PARP8: variants seen among roughly 807,000 people sequenced by gnomAD.
The protein encoded by PARP8 is poly(ADP-ribose) polymerase family member 8.
In PARP8, 51 loss-of-function variants were observed where a neutral mutation model predicts 124.1. The observed-to-expected ratio is 0.41, with a 90% CI of 0.33 to 0.52. The LOEUF (loss-of-function observed/expected upper bound fraction) is 0.52, where lower values mean the gene tolerates loss of function less well. Ranked by LOEUF, PARP8 falls within the 20% of genes least tolerant of loss-of-function variation. PARP8 has a pLI of 0.21. For synonymous variants in PARP8, 391 were observed against 361.5 expected (o/e 1.08, Z -0.93); for missense variants, 860 against 1,018.9 (o/e 0.84, Z 2.12).
intron 2 of PARP8, among the ~76,000 whole-genome samples, chr5:50,731,062 G>C (rs1237599837): frequency 6.6e-6 from 1 of 152,196 alleles, no homozygotes; most frequent in African/African-American, 2.4e-5. Flanking sequence ...AAAATCACAA[G>C]AGGCTGAGTG....
At chr5:50,736,154 C>T (rs369246982) in intron 2 of PARP8, among the ~76,000 whole-genome samples, 3 of 151,920 alleles carry the variant, frequency 2.0e-5, no homozygotes, top group Non-Finnish European at 4.4e-5. Context: ...CCCCACCCAC[C>T]GAAAGCATAC....
At chr5:50,756,787 G>A (rs1760008158) in intron 3 of PARP8, among the ~76,000 whole-genome samples, 1 of 152,070 alleles carries the variant, frequency 6.6e-6, no homozygotes, top group South Asian at 2.1e-4. Context: ...TCATTTTATA[G>A]CTTTAACTGA....
intron 14 of PARP8, among the ~76,000 whole-genome samples, chr5:50,808,044 A>C (rs6889539): frequency 0.025 from 3,826 of 152,006 alleles, 159 homozygotes; most frequent in African/African-American, 0.087. Context: ...AGATGTTTGT[A>C]ACTAAGGTTC....
chr5:50,765,445 G>T (rs1194259268), intron 7 of PARP8, among the ~76,000 whole-genome samples: 1 of 152,022 alleles, frequency 6.6e-6, no homozygotes, highest in Non-Finnish European at 1.5e-5. Context: ...ACCTATGATG[G>T]TCTGTATCAG....
At chr5:50,818,806 A>G (rs1421332497) in intron 15 of PARP8, among the ~76,000 whole-genome samples, 2 of 152,236 alleles carry the variant, frequency 1.3e-5, no homozygotes, top group African/African-American at 4.8e-5. Context: ...TAGCTTCTGT[A>G]ACAGATAAAC....
intron 2 of PARP8, among the ~76,000 whole-genome samples, chr5:50,748,188 G>A (rs1310268219): frequency 3.3e-5 from 2 of 61,230 alleles, no homozygotes; most frequent in Non-Finnish European, 7.5e-5. Flanking sequence ...AGCTTTTTAA[G>A]CAGTTTGTGT....
Position 50,759,662 on chromosome 5 carries a change from T to C in PARP8, c.204T>C (p.Ser68=). The change falls in exon 4 of 26, where the codon AGT becomes AGC. Residue 68 remains serine, a synonymous_variant. Coordinates refer to ENST00000281631, the MANE Select transcript of PARP8 (RefSeq NM_024615.4). ...EDYPDNTYVS[S]SENDEDVLVT... is the part of the protein sequence containing the mutation. Reference sequence around the variant, plus strand: ...TTGCAGATAATACATATGTGTCAAGTTCAGAGAATGATGAAGATGTGCTAG... The same window carrying C: ...TTGCAGATAATACATATGTGTCAAGCTCAGAGAATGATGAAGATGTGCTAG... 6.5e-7 allele frequency: 1 copy of C among 1,544,682 alleles called. No homozygotes were observed. The highest frequency in any genetic ancestry group is 1.2e-5 in the South Asian group (1 of 80,534).
chr5:50,801,758 C>T (rs929552376), intron 14 of PARP8, among the ~76,000 whole-genome samples: 23 of 152,012 alleles, frequency 1.5e-4, no homozygotes, highest in Non-Finnish European at 2.9e-4. Flanking sequence ...TTTTTACCTT[C>T]AGTTCTTTCA....
At chr5:50,696,314 G>T (rs1429045257) in intron 2 of PARP8, among the ~76,000 whole-genome samples, 1 of 152,144 alleles carries the variant, frequency 6.6e-6, no homozygotes, top group African/African-American at 2.4e-5. Context: ...TTTATGCTAA[G>T]ATTAGTGTAA....
rs139660801 is a variant in PARP8, at chr5:50,703,964, C to A, written c.146+35839C>A. Among the ~76,000 whole-genome samples, 4 of 152,092 alleles carry A rather than the reference C, an allele frequency of 2.6e-5. No homozygotes were observed. In the East Asian group the frequency reaches 7.7e-4, roughly 29 times the overall value. ...TAAACATGATTTGTAGGAGAAAGCA[C>A]CTGCTATATACAGCAAGATATAAAA... On this transcript the variant is annotated intron_variant, in intron 2 of 25. Transcript: ENST00000281631.
intron 3 of PARP8, among the ~76,000 whole-genome samples, chr5:50,756,391 C>A (rs527784787): frequency 2.4e-4 from 37 of 152,068 alleles, no homozygotes; most frequent in Middle Eastern, 3.4e-3. Flanking sequence ...TTTCTTTAAC[C>A]CTTTTTACGC....
chr5:50,822,244 T>A (rs1240790899), intron 16 of PARP8, 91 bp from the exon 17 acceptor site: 1 of 920,242 alleles, frequency 1.1e-6, no homozygotes, highest in Non-Finnish European at 1.8e-6. Context: ...AAAATTCACA[T>A]ATGGAAATAA....
At chr5:50,789,659 A>G (rs868128550) in intron 10 of PARP8, among the ~76,000 whole-genome samples, 1 of 152,230 alleles carries the variant, frequency 6.6e-6, no homozygotes, top group South Asian at 2.1e-4. Flanking sequence ...GTCAGAATAT[A>G]AACATTAACT....
chr5:50,794,381 G>A, intron 11 of PARP8, 49 bp downstream of exon 11: 2 of 1,592,858 alleles, frequency 1.3e-6, no homozygotes. Context: ...CTGAGTGTGT[G>A]ATGTAGTTCA....
chr5:50,801,193 C>T (rs781521351), intron 14 of PARP8, among the ~76,000 whole-genome samples: 3 of 151,862 alleles, frequency 2.0e-5, no homozygotes, highest in Middle Eastern at 3.2e-3. Context: ...CTCTGCCTCC[C>T]GGGTTCAAGT....
intron 2 of PARP8, among the ~76,000 whole-genome samples, chr5:50,746,790 G>A (rs1580182562): frequency 2.6e-5 from 4 of 152,120 alleles, no homozygotes; most frequent in Admixed American, 2.6e-4. Context: ...GCTTTAGAAG[G>A]CTGAGGCAGG....
At chr5:50,694,620 A>C (rs2149465799) in intron 2 of PARP8, among the ~76,000 whole-genome samples, 1 of 152,286 alleles carries the variant, frequency 6.6e-6, no homozygotes, top group South Asian at 2.1e-4. Context: ...TACCTTCTAG[A>C]AACTGGGACC....
chr5:50,813,493 C>T (rs1744719145), intron 14 of PARP8, among the ~76,000 whole-genome samples: 1 of 152,170 alleles, frequency 6.6e-6, no homozygotes, highest in Non-Finnish European at 1.5e-5. Context: ...AGATTTTGGG[C>T]TGAGACGATG....
intron 3 of PARP8, among the ~76,000 whole-genome samples, chr5:50,752,022 T>A (rs1246407646): frequency 6.6e-6 from 1 of 152,146 alleles, no homozygotes; most frequent in Admixed American, 6.6e-5. Context: ...ATAATAGATA[T>A]GAAAGTTGGC....
Sources: gnomAD v4.1 joint callset for allele counts (sites outside exome capture counted in the v4.1 genomes callset) on GRCh38, gnomAD v4.1.1 for gene constraint, MANE v1.5 for transcripts, NCBI Gene and HGNC (gene_info 2026-07-23, HGNC 2026-07-21) for gene names.